Variants in TRPM3 observed in about 807,000 individuals in gnomAD.
TRPM3 encodes transient receptor potential cation channel subfamily M member 3, also known as long transient receptor potential channel 3.
In TRPM3, 77 loss-of-function variants were observed where a neutral mutation model predicts 181.2. That is an observed-to-expected ratio of 0.42 (90% CI 0.35 to 0.51). The LOEUF (loss-of-function observed/expected upper bound fraction) is 0.51. TRPM3 is among the 20% of genes least tolerant of loss of function. The pLI is 0.01. For synonymous variants in TRPM3, 745 were observed against 796.4 expected, an observed-to-expected ratio of 0.94 and a Z score of 1.09; for missense variants, 1,759 against 2,196.7, an observed-to-expected ratio of 0.80 and a Z score of 3.98.
intron 1 of TRPM3, among the ~76,000 whole-genome samples, chr9:71,181,680 G>A (rs2077412995): frequency 6.6e-6 from 1 of 152,052 alleles, no homozygotes; most frequent in African/African-American, 2.4e-5. Flanking sequence ...AAAAAGTGAT[G>A]TCAAATTTAC....
intron 7 of TRPM3, among the ~76,000 whole-genome samples, chr9:70,771,007 G>A (rs541189200): frequency 2.6e-5 from 4 of 152,298 alleles, no homozygotes; most frequent in African/African-American, 9.6e-5. Flanking sequence ...AAGCCACTTA[G>A]CTGGGGTATC....
rs2132434085 is a variant in TRPM3 at position 70,864,518 on chromosome 9, A to AAC, written c.178-8_178-7insGT. ...CTATCCAGGATTTCTGAGCCTGAAA[A>AAC]AGAAAACAAAAAAAAAAAAAAAAGA... On this transcript the variant is annotated splice_region_variant and splice_polypyrimidine_tract_variant and intron_variant, in intron 1 of 25. Transcript: ENST00000677713. 5 of 1,463,032 alleles carry AAC rather than the reference A, an allele frequency of 3.4e-6. No individual in the cohort carries two copies. Among genetic ancestry groups the AAC allele is most frequent in the South Asian group, 1.5e-5 (1 of 66,790 alleles). The allele number at this position is 1,463,032 out of a possible 1,614,324, so 90.6% of individuals were successfully genotyped here.
intron 1 of TRPM3, among the ~76,000 whole-genome samples, chr9:71,033,761 C>G (rs561857364): frequency 1.4e-3 from 207 of 152,254 alleles, no homozygotes; most frequent in African/African-American, 4.7e-3. Context: ...TTATCATATA[C>G]TTGATGAATT....
intron 9 of TRPM3, among the ~76,000 whole-genome samples, chr9:70,678,933 C>A (rs1378570321): frequency 6.6e-6 from 1 of 152,236 alleles, no homozygotes; most frequent in African/African-American, 2.4e-5. Context: ...GAGAGCATTT[C>A]AAAGCCTTCG....
intron 1 of TRPM3, among the ~76,000 whole-genome samples, chr9:70,968,335 A>T (rs1390966356): frequency 1.3e-5 from 2 of 152,192 alleles, no homozygotes; most frequent in Non-Finnish European, 2.9e-5. Flanking sequence ...TTGGCAATGA[A>T]TAGGTACTGA....
chr9:70,642,891 A>C (rs1356598165), intron 9 of TRPM3, among the ~76,000 whole-genome samples: 1 of 152,128 alleles, frequency 6.6e-6, no homozygotes, highest in Non-Finnish European at 1.5e-5. Context: ...TGTGTTTCTA[A>C]CCAGCTCCCA....
intron 22 of TRPM3, among the ~76,000 whole-genome samples, chr9:70,555,002 C>T (rs1009065151): frequency 2.0e-5 from 3 of 152,220 alleles, no homozygotes; most frequent in Non-Finnish European, 2.9e-5. Context: ...CCCCTGGCTT[C>T]AGCATGAAGT....
chr9:70,602,048 G>C (rs1002968999), intron 20 of TRPM3, among the ~76,000 whole-genome samples: 1 of 151,152 alleles, frequency 6.6e-6, no homozygotes, highest in South Asian at 2.1e-4. Context: ...AGAAGAAAAG[G>C]CACCATGAAT....
chr9:71,143,132 AG>A (rs374648276), intron 1 of TRPM3, among the ~76,000 whole-genome samples: 2 of 150,696 alleles, frequency 1.3e-5, no homozygotes, highest in African/African-American at 4.9e-5. Flanking sequence ...CCCAAAAAAA[AG>A]AAAAAAAAAA....
intron 1 of TRPM3, among the ~76,000 whole-genome samples, chr9:70,918,301 T>C (rs1335561659): frequency 6.6e-6 from 1 of 152,170 alleles, no homozygotes; most frequent in Non-Finnish European, 1.5e-5. Context: ...GAACACTTCA[T>C]CCAATGGATG....
chr9:71,346,456 C>T (rs917190102), intron 1 of TRPM3, among the ~76,000 whole-genome samples: 2 of 152,114 alleles, frequency 1.3e-5, no homozygotes, highest in East Asian at 1.9e-4. Flanking sequence ...AAATTAGGCA[C>T]CGGGCCTCAT....
In TRPM3 at chr9:71,171,374, C is replaced by T. The variant is rs552411186; in HGVS notation, c.183+275279G>A. Among the ~76,000 whole-genome samples, 19 of 152,206 alleles carry T rather than the reference C, an allele frequency of 1.2e-4. No individual in the cohort carries two copies. The South Asian group carries it at 3.7e-3, about 30-fold the overall frequency. On this transcript the variant is annotated intron_variant, in intron 1 of 24. Coordinates refer to the TRPM3 transcript ENST00000357533. ...CCCTTTTGAAAATCCCTAATAAAAACTTGCTGGTTTTTGTGGCTTGTGGGG... is the reference window on the plus strand; with the variant it reads ...CCCTTTTGAAAATCCCTAATAAAAATTTGCTGGTTTTTGTGGCTTGTGGGG...
chr9:70,602,130 C>T lies in TRPM3; in HGVS notation c.2796+1212G>A, dbSNP rs1232518120. On this transcript the variant is annotated intron_variant, in intron 20 of 25. Transcript: ENST00000677713. ...CCTTTTTTTTTTTTTTTTTTAAATC[C>T]AGGCTCTTGTAAAATGAGACTAGCA... is the stretch of plus-strand genomic sequence containing the variant. Among the ~76,000 whole-genome samples, 13 of 37,714 alleles carry T rather than the reference C, an allele frequency of 3.4e-4. No homozygotes were observed. In the Admixed American group the frequency reaches 3.9e-3, roughly 11 times the overall value. 24.7% of individuals were successfully genotyped at this position (37,714 alleles called of 152,430 possible). A position where few individuals can be genotyped will look rare whatever the true frequency, so the allele number is the denominator to read the frequency against.
intron 25 of TRPM3, among the ~76,000 whole-genome samples, chr9:70,543,574 C>T (rs940644095): frequency 5.3e-5 from 8 of 152,096 alleles, no homozygotes; most frequent in Non-Finnish European, 1.2e-4. Flanking sequence ...TTAGATCCCA[C>T]AAATAAGTGA....
chr9:70,975,551 T>C (rs986000007), intron 1 of TRPM3, among the ~76,000 whole-genome samples: 4 of 152,216 alleles, frequency 2.6e-5, no homozygotes, highest in Non-Finnish European at 5.9e-5. Context: ...GTTTCTTAAT[T>C]AGTTGCAATG....
At chr9:70,753,017 G>T (rs2076454116) in intron 8 of TRPM3, among the ~76,000 whole-genome samples, 1 of 152,108 alleles carries the variant, frequency 6.6e-6, no homozygotes, top group African/African-American at 2.4e-5. Context: ...TGAGGCAGGA[G>T]AATTGCTTGA....
intron 1 of TRPM3, among the ~76,000 whole-genome samples, chr9:71,430,889 A>C (rs2093944566): frequency 1.3e-5 from 2 of 152,190 alleles, no homozygotes; most frequent in African/African-American, 4.8e-5. Flanking sequence ...TCTTTCGCCC[A>C]TTGATTCTGA....
intron 6 of TRPM3, among the ~76,000 whole-genome samples, chr9:70,792,405 G>A (rs2085678905): frequency 1.3e-5 from 2 of 151,816 alleles, no homozygotes; most frequent in African/African-American, 4.8e-5. Flanking sequence ...GGAGGGGAGA[G>A]ATCACATGGC....
At chr9:71,281,471 G>A (rs528604575) in intron 1 of TRPM3, among the ~76,000 whole-genome samples, 92 of 152,166 alleles carry the variant, frequency 6.0e-4, no homozygotes, top group African/African-American at 2.2e-3. Context: ...AAAGCATTTT[G>A]TTCATTGCTG....
Sources: allele counts gnomAD v4.1 joint callset (sites outside exome capture counted in the v4.1 genomes callset), GRCh38; gene constraint gnomAD v4.1.1; transcripts MANE v1.5; gene names NCBI Gene and HGNC (gene_info 2026-07-23, HGNC 2026-07-21).